Variants in PLA2R1 observed in about 807,000 individuals in gnomAD.
PLA2R1 encodes the protein secretory phospholipase A2 receptor.
PLA2R1 carries 158 observed loss-of-function variants against 195.9 expected under a neutral mutation model. That is an observed-to-expected ratio of 0.81 (90% CI 0.71 to 0.92). PLA2R1 has a LOEUF of 0.92. Ranked by LOEUF, PLA2R1 falls within the 40% of genes least tolerant of loss-of-function variation. PLA2R1 has a pLI of 0.00. For synonymous variants in PLA2R1, 586 were observed against 598.2 expected, an observed-to-expected ratio of 0.98 and a Z score of 0.30; for missense variants, 1,626 against 1,764.6, an observed-to-expected ratio of 0.92 and a Z score of 1.41.
At chr2:160,025,166 A>G (rs924569954) in intron 6 of PLA2R1, among the ~76,000 whole-genome samples, 1 of 152,166 alleles carries the variant, frequency 6.6e-6, no homozygotes, top group African/African-American at 2.4e-5. Context: ...TGGTCTGTAA[A>G]TCATTTATAT....
At chr2:159,975,585 AT>A in intron 17 of PLA2R1, among the ~76,000 whole-genome samples, 1 of 152,226 alleles carries the variant, frequency 6.6e-6, no homozygotes, top group Non-Finnish European at 1.5e-5. Context: ...GGTATTCCTC[AT>A]CCCTCATTTG....
intron 3 of PLA2R1, among the ~76,000 whole-genome samples, chr2:160,033,836 C>G (rs1221281435): frequency 1.3e-5 from 2 of 152,126 alleles, no homozygotes; most frequent in Non-Finnish European, 2.9e-5. Flanking sequence ...TAAAATCAAA[C>G]TCCAAGGTGA....
the PLA2R1 span, among the ~76,000 whole-genome samples, chr2:159,925,234 T>C: frequency 6.6e-6 from 1 of 152,032 alleles, no homozygotes; most frequent in Admixed American, 6.5e-5. Context: ...CATGTCTTAA[T>C]TGTGTTACGG....
At chr2:160,023,845 G>T (rs1346652042) in intron 6 of PLA2R1, among the ~76,000 whole-genome samples, 1 of 152,138 alleles carries the variant, frequency 6.6e-6, no homozygotes, top group African/African-American at 2.4e-5. Context: ...CACATCAAGG[G>T]AGTAGCAGAA....
chr2:160,060,634 G>C (rs957669440), intron 1 of PLA2R1, among the ~76,000 whole-genome samples: 1 of 152,200 alleles, frequency 6.6e-6, no homozygotes, highest in African/African-American at 2.4e-5. Context: ...CTAGCAGATG[G>C]CTCTAATTTC....
At chr2:160,043,197 G>T (rs1573962433) in intron 2 of PLA2R1, among the ~76,000 whole-genome samples, 1 of 152,204 alleles carries the variant, frequency 6.6e-6, no homozygotes, top group East Asian at 1.9e-4. Flanking sequence ...TCTCTTGCGG[G>T]TTTTGAATGG....
intron 11 of PLA2R1, among the ~76,000 whole-genome samples, chr2:160,001,238 T>C (rs936821909): frequency 6.6e-6 from 1 of 152,142 alleles, no homozygotes; most frequent in Non-Finnish European, 1.5e-5. Flanking sequence ...TGAATAACTT[T>C]GATATTGTTG....
intron 2 of PLA2R1, among the ~76,000 whole-genome samples, chr2:160,042,800 CGTGTGTGTGT>C (rs111414981): frequency 0.011 from 1,324 of 119,686 alleles, 17 homozygotes; most frequent in African/African-American, 0.024. Flanking sequence ...TGTGTGTGTG[CGTGTGTGTGT>C]GTGTGTGTGT....
chr2:160,049,321 C>T (rs1047534078), intron 1 of PLA2R1, among the ~76,000 whole-genome samples: 2 of 152,166 alleles, frequency 1.3e-5, no homozygotes, highest in African/African-American at 4.8e-5. Flanking sequence ...CATTGATCAA[C>T]TTTTAAACCG....
rs558272867 is a variant in PLA2R1 at position 159,952,890 on chromosome 2, A to G, written c.3302-1312T>C. Reference sequence around the variant, plus strand: ...ATACAGCAGCTGTACATATGGAAAAACCAAAGTAAAATGAATCTCTTTAAT... The same window carrying G: ...ATACAGCAGCTGTACATATGGAAAAGCCAAAGTAAAATGAATCTCTTTAAT... On this transcript the variant is annotated intron_variant, in intron 23 of 29. Coordinates refer to ENST00000283243, the MANE Select transcript of PLA2R1 (RefSeq NM_007366.5). Among the ~76,000 whole-genome samples, 8 of 152,288 alleles carry G rather than the reference A, an allele frequency of 5.3e-5. No individual in the cohort carries two copies. The South Asian group carries it at 1.4e-3, about 28-fold the overall frequency.
At chr2:160,053,460 A>G (rs534165653) in intron 1 of PLA2R1, among the ~76,000 whole-genome samples, 2 of 152,124 alleles carry the variant, frequency 1.3e-5, no homozygotes, top group Admixed American at 6.5e-5. Flanking sequence ...TTGGCTGGAC[A>G]TGGGGAAGTC....
intron 20 of PLA2R1, among the ~76,000 whole-genome samples, chr2:159,967,081 A>C (rs1157647210): frequency 6.6e-6 from 1 of 152,120 alleles, no homozygotes; most frequent in Non-Finnish European, 1.5e-5. Context: ...GGGAAAACAC[A>C]AGAGTAGGAG....
At chr2:159,926,538 C>A in the PLA2R1 span, among the ~76,000 whole-genome samples, 3 of 152,112 alleles carry the variant, frequency 2.0e-5, no homozygotes, top group Non-Finnish European at 4.4e-5. Flanking sequence ...GTTGGAAAAG[C>A]TTCCCACAAA....
In PLA2R1 at chr2:159,955,842, A is replaced by C. The variant is rs1688052113; in HGVS notation, c.3023-14T>G. On this transcript the variant is annotated splice_polypyrimidine_tract_variant and intron_variant, in intron 21 of 29. Transcript: ENST00000283243. ...TAGTAATGAAAGCTGAAAAACAGGA[A>C]TACATTATCTAATTTAATACTGTAG... 1.9e-6 allele frequency: 3 copies of C among 1,568,022 alleles called. No homozygotes were observed. Among genetic ancestry groups the C allele is most frequent in the African/African-American group, 1.4e-5 (1 of 73,746 alleles).
chr2:159,996,449 C>T (rs931027957), intron 11 of PLA2R1, among the ~76,000 whole-genome samples: 1 of 152,018 alleles, frequency 6.6e-6, no homozygotes, highest in Admixed American at 6.6e-5. Context: ...TGTTTTTCCC[C>T]TCTGGCTTCT....
intron 14 of PLA2R1, 31 bp from the exon 15 acceptor site, chr2:159,977,447 T>C (rs562991793): frequency 6.2e-7 from 1 of 1,607,398 alleles, no homozygotes; most frequent in East Asian, 2.2e-5. Flanking sequence ...TATTCCTTAA[T>C]GATGATCCCC....
chr2:160,004,054 G>A (rs1691792141), intron 11 of PLA2R1, among the ~76,000 whole-genome samples: 1 of 152,180 alleles, frequency 6.6e-6, no homozygotes, highest in Admixed American at 6.5e-5. Flanking sequence ...ACACCAGCAG[G>A]ATCATACCAA....
intron 6 of PLA2R1, among the ~76,000 whole-genome samples, chr2:160,024,682 A>G (rs1693385174): frequency 6.6e-6 from 1 of 152,180 alleles, no homozygotes; most frequent in African/African-American, 2.4e-5. Flanking sequence ...TGTGCCTTGT[A>G]GGGCTTGGCT....
chr2:160,025,401 T>C (rs1159442572), intron 6 of PLA2R1, among the ~76,000 whole-genome samples: 3 of 151,878 alleles, frequency 2.0e-5, no homozygotes, highest in Non-Finnish European at 2.9e-5. Flanking sequence ...TGGTAAAACA[T>C]AACTATAGCT....
Sources: allele counts gnomAD v4.1 joint callset (sites outside exome capture counted in the v4.1 genomes callset), GRCh38; gene constraint gnomAD v4.1.1; transcripts MANE v1.5; gene names NCBI Gene and HGNC (gene_info 2026-07-23, HGNC 2026-07-21).